The following METTL6 variants were observed in gnomAD, a reference collection of about 807,000 sequenced individuals.
The protein encoded by METTL6 is tRNA N(3)-cytidine methyltransferase METTL6.
In METTL6, 22 loss-of-function variants were observed where a neutral mutation model predicts 26.4. The observed-to-expected ratio is 0.83, with a 90% CI of 0.59 to 1.19. The LOEUF (loss-of-function observed/expected upper bound fraction) is 1.19. Ranked by LOEUF, METTL6 falls within the 50% of genes most tolerant of loss-of-function variation. The pLI is 0.00. For missense variants in METTL6, 304 were observed against 324.8 expected (o/e 0.94, Z 0.49); for synonymous variants, 109 against 116.2 (o/e 0.94, Z 0.40).
chr3:15,407,541 C>A (rs1050902997), downstream of METTL6, among the ~76,000 whole-genome samples: 1 of 152,102 alleles, frequency 6.6e-6, no homozygotes, highest in Admixed American at 6.6e-5. Flanking sequence ...GTCTCTTGGC[C>A]GGATGGTCTG....
At chr3:15,408,579 T>TTC (rs1553627420), downstream of METTL6, among the ~76,000 whole-genome samples, 331 of 147,804 alleles carry the variant, frequency 2.2e-3, 3 homozygotes, top group African/African-American at 7.8e-3. Flanking sequence ...TTTTTTTTTT[T>TTC]CAATTGGACA....
intron 6 of METTL6, among the ~76,000 whole-genome samples, chr3:15,388,554 A>G (rs1319880492): frequency 6.6e-6 from 1 of 152,182 alleles, no homozygotes; most frequent in Non-Finnish European, 1.5e-5. Flanking sequence ...GGGAGCCACA[A>G]GATCAGATGA....
intron 2 of METTL6, among the ~76,000 whole-genome samples, chr3:15,426,075 G>C (rs1026901677): frequency 9.9e-5 from 15 of 152,100 alleles, no homozygotes; most frequent in Admixed American, 9.8e-4. Flanking sequence ...CAAGTAGCTG[G>C]GACTACAGGC....
At chr3:15,396,204 T>C (rs906306636) in intron 6 of METTL6, among the ~76,000 whole-genome samples, 5 of 152,224 alleles carry the variant, frequency 3.3e-5, no homozygotes, top group African/African-American at 1.2e-4. Context: ...CTTTTTCTTC[T>C]TTTTTCTCTA....
At chr3:15,404,841 T>C (rs1699743936), downstream of METTL6, among the ~76,000 whole-genome samples, 1 of 152,150 alleles carries the variant, frequency 6.6e-6, no homozygotes, top group Non-Finnish European at 1.5e-5. Flanking sequence ...TACTGTGCCC[T>C]ACTAATTTTC....
Position 15,427,444 on chromosome 3 carries a change from A to T in METTL6, c.-167T>A. ...TGGGCCTCGGAGGCAGAATACGGGA[A>T]GAACCGCGAAACAACCCTAAACCAA... On this transcript the variant is annotated 5_prime_UTR_variant, in exon 1 of 6. Coordinates refer to ENST00000383790, the MANE Select transcript of METTL6 (RefSeq NM_152396.4). The T allele has an allele frequency of 3.0e-6, 1 of 332,806 alleles. No homozygotes were observed. Among genetic ancestry groups the T allele is most frequent in the Non-Finnish European group, 5.7e-6 (1 of 176,006 alleles). The allele number at this position is 332,806 out of a possible 1,614,324, so 20.6% of individuals were successfully genotyped here.
chr3:15,388,150 G>A (rs758884667), intron 6 of METTL6, among the ~76,000 whole-genome samples: 24 of 151,694 alleles, frequency 1.6e-4, no homozygotes, highest in Non-Finnish European at 2.8e-4. Flanking sequence ...CGCTCTTGTC[G>A]CCCAGGCTGG....
chr3:15,420,745 T>C (rs1267123742), intron 3 of METTL6, among the ~76,000 whole-genome samples: 1 of 152,238 alleles, frequency 6.6e-6, no homozygotes, highest in Non-Finnish European at 1.5e-5. Flanking sequence ...AGTAACCTAA[T>C]ACACTGAGTA....
intron 6 of METTL6, among the ~76,000 whole-genome samples, chr3:15,397,101 G>A (rs1484044669): frequency 6.6e-6 from 1 of 152,204 alleles, no homozygotes; most frequent in Non-Finnish European, 1.5e-5. Context: ...ACAGAGGCAG[G>A]CAGGCCTCCT....
intron 6 of METTL6, among the ~76,000 whole-genome samples, chr3:15,385,111 C>T (rs1699157774): frequency 6.6e-6 from 1 of 152,122 alleles, no homozygotes; most frequent in Non-Finnish European, 1.5e-5. Context: ...TGTTTAAAGG[C>T]ATTTTGTTCT....
intron 3 of METTL6, among the ~76,000 whole-genome samples, chr3:15,417,311 T>G (rs371026535): frequency 6.6e-6 from 1 of 152,010 alleles, no homozygotes; most frequent in Non-Finnish European, 1.5e-5. Flanking sequence ...AAAAATTAGC[T>G]GGGCGTGGTG....
At chr3:15,417,872 C>A (rs1211656848) in intron 3 of METTL6, among the ~76,000 whole-genome samples, 1 of 152,170 alleles carries the variant, frequency 6.6e-6, no homozygotes, top group East Asian at 1.9e-4. Context: ...CCCTCTCCCA[C>A]ACCCCACCAT....
In METTL6 at chr3:15,411,407, C is replaced by T. The variant is rs746965675; in HGVS notation, c.704G>A (p.Gly235Asp). 3.1e-6 allele frequency: 5 copies of T among 1,614,068 alleles called. No individual in the cohort carries two copies. The East Asian group carries it at 8.9e-5, about 29-fold the overall frequency. Residue 235 changes from glycine (G) to aspartate (D), a missense_variant, in exon 6 of 6, where the codon GGT (glycine) becomes GAT (aspartate). Physicochemically the swap from Gly to Asp is moderately conservative, Grantham distance 94. Transcript: ENST00000383790. ...ATACTCGTTTACCACTTCTTCATAA[C>T]CTGTGTCCATAAAGAGCTGAGCCAG... is the stretch of plus-strand genomic sequence containing the variant. ...DFLAQLFMDT[G>D]YEEVVNEYVF...
At chr3:15,397,098 CAG>C (rs950767542) in intron 6 of METTL6, among the ~76,000 whole-genome samples, 1 of 152,184 alleles carries the variant, frequency 6.6e-6, no homozygotes, top group African/African-American at 2.4e-5. Flanking sequence ...TCTACAGAGG[CAG>C]GCAGGCCTCC....
At chr3:15,400,397 T>C (rs1332088551) in intron 6 of METTL6, among the ~76,000 whole-genome samples, 1 of 152,184 alleles carries the variant, frequency 6.6e-6, no homozygotes, top group Non-Finnish European at 1.5e-5. Context: ...CATAATAAAT[T>C]TGTGTGTCTT....
intron 3 of METTL6, among the ~76,000 whole-genome samples, chr3:15,420,069 C>T (rs2061577336): frequency 6.6e-6 from 1 of 152,044 alleles, no homozygotes. Context: ...ACCATATTAA[C>T]CAGGATGGTC....
At chr3:15,409,652 G>A (rs1699893471), downstream of METTL6, among the ~76,000 whole-genome samples, 1 of 152,104 alleles carries the variant, frequency 6.6e-6, no homozygotes, top group African/African-American at 2.4e-5. Context: ...ATGGGGCAGA[G>A]GGGAGGACAG....
At chr3:15,422,312 T>A (rs1173944243) in intron 3 of METTL6, among the ~76,000 whole-genome samples, 1 of 149,608 alleles carries the variant, frequency 6.7e-6, no homozygotes, top group Non-Finnish European at 1.5e-5. Flanking sequence ...GGTGACAGAG[T>A]GAGACCCTAT....
chr3:15,389,406 A>G (rs1699283552), intron 6 of METTL6, among the ~76,000 whole-genome samples: 2 of 152,202 alleles, frequency 1.3e-5, no homozygotes, highest in South Asian at 4.1e-4. Flanking sequence ...TGGGTCCTTC[A>G]GCCCTTTATG....
Sources: gnomAD v4.1 joint callset for allele counts (sites outside exome capture counted in the v4.1 genomes callset) on GRCh38, gnomAD v4.1.1 for gene constraint, MANE v1.5 for transcripts, NCBI Gene and HGNC (gene_info 2026-07-23, HGNC 2026-07-21) for gene names.